FHIP1B: variants seen among roughly 807,000 people sequenced by gnomAD.
The protein encoded by FHIP1B is FHF complex subunit HOOK interacting protein 1B, also known as FHF complex subunit HOOK-interacting protein 1B.
Under a neutral mutation model 82.2 loss-of-function variants are expected in FHIP1B, and 28 were observed. That is an observed-to-expected ratio of 0.34 (90% CI 0.25 to 0.47). The LOEUF (loss-of-function observed/expected upper bound fraction) is 0.47, where lower values mean the gene tolerates loss of function less well. FHIP1B is among the 20% of genes least tolerant of loss of function. The probability of loss-of-function intolerance (pLI) is 1.00; values close to 1 mark genes in which losing one functional copy is unlikely to be tolerated. For synonymous variants in FHIP1B, 585 were observed against 516.1 expected (o/e 1.13, Z -1.81); for missense variants, 1,110 against 1,262.6 (o/e 0.88, Z 1.83).
At chr11:6,218,431 G>A in intron 8 of FHIP1B, 169 bp downstream of exon 8, 1 of 1,066,170 alleles carries the variant, frequency 9.4e-7, no homozygotes, top group Non-Finnish European at 1.4e-6. Context: ...TCTTTGGTGA[G>A]TGTTAAGGGT....
rs374748276 is a variant in FHIP1B, at chr11:6,218,125, G to A, written c.1461C>T (p.Ser487=). 6.2e-7 allele frequency: 1 copy of A among 1,612,542 alleles called. No homozygotes were observed. The highest frequency in any genetic ancestry group is 1.3e-5 in the African/African-American group (1 of 74,964). The part of the protein sequence containing the change: ...ARGPGSPSVD[S]SSVTTVPRPS... Reference sequence around the variant, plus strand: ...GCCGGGGTACTGTCGTCACAGAAGAGGAGTCCACACTTGGGCTTCCAGGAC... The same window carrying A: ...GCCGGGGTACTGTCGTCACAGAAGAAGAGTCCACACTTGGGCTTCCAGGAC... Residue 487 remains serine, a synonymous_variant, in exon 9 of 12, where the codon TCC becomes TCT. Coordinates refer to ENST00000449352, the MANE Select transcript of FHIP1B (RefSeq NM_001098794.2).
chr11:6,221,138 T>G (rs1294664540), intron 6 of FHIP1B, among the ~76,000 whole-genome samples: 1 of 152,206 alleles, frequency 6.6e-6, no homozygotes, highest in Non-Finnish European at 1.5e-5. Flanking sequence ...ACACTTGGTT[T>G]AGAAACACTG....
intron 11 of FHIP1B, among the ~76,000 whole-genome samples, chr11:6,213,613 ATGTTCAAGATACC>A (rs1847136017): frequency 6.6e-6 from 1 of 152,176 alleles, no homozygotes. Context: ...CACATTGCAA[ATGTTCAAGATACC>A]TGTTAAGCGA....
chr11:6,222,658 T>C lies in FHIP1B; in HGVS notation c.1024-49A>G, dbSNP rs531125571. The C allele has an allele frequency of 8.1e-6, 13 of 1,599,156 alleles. No homozygotes were observed. In the South Asian group the frequency reaches 1.1e-4, roughly 14 times the overall value. On this transcript the variant is annotated intron_variant, in intron 5 of 11. Coordinates refer to ENST00000449352, the MANE Select transcript of FHIP1B (RefSeq NM_001098794.2). ...TGGAAATGCACAGCTTCCCTGCACATACAGGGCCATTTTCCCTGGATTCTA... is the reference window on the plus strand; with the variant it reads ...TGGAAATGCACAGCTTCCCTGCACACACAGGGCCATTTTCCCTGGATTCTA...
At chr11:6,222,353 AAAG>A in intron 6 of FHIP1B, 86 bp downstream of exon 6, 5 of 1,446,760 alleles carry the variant, frequency 3.5e-6, no homozygotes, top group South Asian at 2.4e-5. Flanking sequence ...GATACAGGCA[AAAG>A]AAGGGCAGGA....
At position 6,223,619 on chromosome 11, in the gene FHIP1B, G is replaced by A. The variant is rs756199982; in HGVS notation, c.768C>T (p.Tyr256=). The A allele has an allele frequency of 5.7e-6, 9 of 1,591,366 alleles. No individual in the cohort carries two copies. The African/African-American group carries it at 1.1e-4, about 19-fold the overall frequency. The part of the protein sequence containing the change: ...TVGRYIADHS[Y]FCPVLATGLS... The stretch of plus-strand genomic sequence containing the variant: ...GCCAGGGGGTGCTAACCGGGCAGAA[G>A]TAAGAGTGATCCGCGATGTAGCGGC... Residue 256 remains tyrosine (Y), a synonymous_variant, in exon 3 of 12, where the codon TAC becomes TAT. Coordinates refer to ENST00000449352, the MANE Select transcript of FHIP1B (RefSeq NM_001098794.2). The surrounding 1 kb of genome is among the most constrained non-coding windows in gnomAD (Gnocchi z 4.8).
chr11:6,212,024 G>A, intron 11 of FHIP1B, 157 bp from the exon 12 acceptor site: 2 of 938,990 alleles, frequency 2.1e-6, no homozygotes, highest in Non-Finnish European at 2.5e-6. Context: ...TGAACCTCAG[G>A]TACCATTTCC....
At chr11:6,226,348 G>T (rs1437253719) in intron 1 of FHIP1B, among the ~76,000 whole-genome samples, 2 of 152,136 alleles carry the variant, frequency 1.3e-5, no homozygotes, top group Non-Finnish European at 2.9e-5. Context: ...ATAAAATACT[G>T]GGCACTGTTC....
rs1424773042 is a variant in FHIP1B, at chr11:6,224,477, C to A, written c.40G>T (p.Gly14Cys). 2 of 1,613,866 alleles carry A rather than the reference C, an allele frequency of 1.2e-6. No individual in the cohort carries two copies. Among genetic ancestry groups the A allele is most frequent in the Non-Finnish European group, 1.7e-6 (2 of 1,179,954 alleles). ...MNWLSRLASRGPGHRIPQGAN... is the reference protein window; with the variant it reads ...MNWLSRLASRCPGHRIPQGAN... ...CCTTGAGGTATACGGTGCCCAGGGC[C>A]CCGGGAGGCCAGTCTGCTCAGCCAA... Residue 14 changes from glycine to cysteine, a missense_variant, in exon 2 of 12, where the codon GGC becomes TGC. Coordinates refer to ENST00000449352, the MANE Select transcript of FHIP1B (RefSeq NM_001098794.2).
At position 6,218,997 on chromosome 11, in the gene FHIP1B, C is replaced by T. The variant is rs1564862551; in HGVS notation, c.1245G>A (p.Glu415=). The part of the protein sequence containing the change: ...LFRTLLNLSC[E]DVLLQLVLRY... ...TGAGAACCAGCTGCAGCAGGACATCCTCACAGCTGAGGTTCAGGAGGGTCC... is the reference window on the plus strand; with the variant it reads ...TGAGAACCAGCTGCAGCAGGACATCTTCACAGCTGAGGTTCAGGAGGGTCC... Residue 415 remains glutamate (E), a synonymous_variant, in exon 7 of 12, where the codon GAG becomes GAA. Transcript: ENST00000449352. 4 of 1,613,980 alleles carry T rather than the reference C, an allele frequency of 2.5e-6. No homozygotes were observed. The East Asian group carries it at 6.7e-5, about 27-fold the overall frequency.
rs1280113457 is a variant in FHIP1B, at chr11:6,211,766, C to T, written c.2659G>A (p.Asp887Asn). The stretch of plus-strand genomic sequence containing the variant: ...CCACTTAGGCCAAGTCCTGCTCCGT[C>T]TCGCCCAGGCTGAAGGACCAATTGT... ...AAQLVLQPGR[D>N]GAGLGLSGGS... The change falls in exon 12 of 12, where the codon GAC becomes AAC. Residue 887 changes from aspartate to asparagine, a missense_variant. Coordinates refer to ENST00000449352, the MANE Select transcript of FHIP1B (RefSeq NM_001098794.2). The T allele has an allele frequency of 6.2e-7, 1 of 1,614,196 alleles. No individual in the cohort carries two copies.
intron 11 of FHIP1B, among the ~76,000 whole-genome samples, chr11:6,212,248 C>G (rs1847093594): frequency 1.3e-5 from 2 of 152,146 alleles, no homozygotes; most frequent in African/African-American, 4.8e-5. Context: ...ACGAATTCTC[C>G]TATTTCCAAT....
Position 6,223,591 on chromosome 11 carries a change from C to T in FHIP1B, c.777+19G>A, listed in dbSNP as rs1847476125. On this transcript the variant is annotated intron_variant, in intron 3 of 11. Transcript: ENST00000449352. This position sits in a 1 kb window ranked among gnomAD's most constrained non-coding sequence, Gnocchi z 4.8. ...TATCTACACACCACACCCTACCCTC[C>T]AAGCCAGGGGGTGCTAACCGGGCAG... 1 of 1,560,974 alleles carries T rather than the reference C, an allele frequency of 6.4e-7. No homozygotes were observed. The highest frequency in any genetic ancestry group is 1.2e-5 in the South Asian group (1 of 81,634).
In FHIP1B at chr11:6,222,885, G is replaced by T; in HGVS notation, c.949C>A (p.Leu317Met). 6.2e-7 allele frequency: 1 copy of T among 1,614,086 alleles called. No individual in the cohort carries two copies. Among genetic ancestry groups the T allele is most frequent in the African/African-American group, 1.3e-5 (1 of 75,026 alleles). Residue 317 changes from leucine (L) to methionine (M), a missense_variant, in exon 5 of 12, where the codon CTG becomes ATG. Leu to Met is a conservative substitution (Grantham distance 15, BLOSUM62 2). Around this residue, in one of 6 missense-constraint regions of FHIP1B, gnomAD observed 467 missense variants for 602.9 expected, o/e 0.77. Coordinates refer to ENST00000449352, the MANE Select transcript of FHIP1B (RefSeq NM_001098794.2). ...TAATCAACCAACTGCTTCTGCACCA[G>T]GGGGTGAGCCACCTGTAGGAGTGCC... ...CNAVIQVAHP[L>M]VQKQLVDYIH...
intron 8 of FHIP1B, 123 bp from the exon 9 acceptor site, chr11:6,218,273 G>A (rs1847305879): frequency 1.5e-6 from 2 of 1,352,990 alleles, no homozygotes; most frequent in African/African-American, 1.5e-5. Flanking sequence ...TATTCAGACA[G>A]CTAACTCTCC....
At chr11:6,218,278 C>G (rs1847305949) in intron 8 of FHIP1B, 128 bp from the exon 9 acceptor site, 13 of 1,305,794 alleles carry the variant, frequency 1.0e-5, no homozygotes, top group Non-Finnish European at 1.3e-5. Flanking sequence ...AGACAGCTAA[C>G]TCTCCAACCT....
At chr11:6,218,391 T>C (rs1235717049) in intron 8 of FHIP1B, among the ~76,000 whole-genome samples, 2 of 152,114 alleles carry the variant, frequency 1.3e-5, no homozygotes. Context: ...AGAACAAGAA[T>C]AGCTTTGCCC....
intron 11 of FHIP1B, 78 bp from the exon 12 acceptor site, chr11:6,211,945 C>A: frequency 6.8e-7 from 1 of 1,478,670 alleles, no homozygotes; most frequent in Non-Finnish European, 8.9e-7. Context: ...ATTCCCCCAC[C>A]CCCTAGGTTC....
At chr11:6,217,104 A>T (rs1847249991) in intron 9 of FHIP1B, 2 of 703,184 alleles carry the variant, frequency 2.8e-6, no homozygotes. Flanking sequence ...CAGACTAGGG[A>T]AAGAGGAGGA....
Sources: gnomAD v4.1 joint callset for allele counts (sites outside exome capture counted in the v4.1 genomes callset) on GRCh38, gnomAD v4.1.1 for gene constraint, gnomAD v4.1.1 regional missense constraint, Gnocchi (gnomAD v3.1) non-coding constraint, MANE v1.5 for transcripts, NCBI Gene and HGNC (gene_info 2026-07-23, HGNC 2026-07-21) for gene names.